The following PPFIBP1 variants were observed in gnomAD, a reference collection of about 807,000 sequenced individuals.
PPFIBP1 encodes the protein liprin-beta-1.
In PPFIBP1, 112 loss-of-function variants were observed where a neutral mutation model predicts 137.8. The observed-to-expected ratio is 0.81, with a 90% CI of 0.70 to 0.95. The LOEUF is 0.95. Among genes scored for constraint, PPFIBP1 ranks in the 40% least tolerant of loss-of-function variants. The pLI, the probability that PPFIBP1 is intolerant of heterozygous loss-of-function variation, is 0.00. For synonymous variants in PPFIBP1, 378 were observed against 417.3 expected (o/e 0.91, Z 1.15); for missense variants, 1,083 against 1,196.6 (o/e 0.91, Z 1.40).
intron 13 of PPFIBP1, among the ~76,000 whole-genome samples, chr12:27,668,960 C>T (rs1477625393): frequency 1.3e-5 from 2 of 152,156 alleles, no homozygotes; most frequent in South Asian, 2.1e-4. Flanking sequence ...TGATCTTTGC[C>T]CTGAAACCAT....
At chr12:27,583,869 G>T (rs919850914) in intron 2 of PPFIBP1, among the ~76,000 whole-genome samples, 1 of 152,202 alleles carries the variant, frequency 6.6e-6, no homozygotes, top group African/African-American at 2.4e-5. Flanking sequence ...TCCTCACTTT[G>T]TGGCCCCACT....
chr12:27,682,172 T>A (rs978010670), intron 22 of PPFIBP1, among the ~76,000 whole-genome samples: 10 of 152,210 alleles, frequency 6.6e-5, no homozygotes, highest in African/African-American at 2.2e-4. Flanking sequence ...AATGAGTCAC[T>A]AGGGAATGCC....
At chr12:27,665,180 T>G (rs1418011337) in intron 12 of PPFIBP1, among the ~76,000 whole-genome samples, 2 of 151,988 alleles carry the variant, frequency 1.3e-5, no homozygotes, top group African/African-American at 4.8e-5. Context: ...AGAGTGAGAC[T>G]CAGTCTCAAA....
chr12:27,604,422 G>T (rs2054300232), intron 2 of PPFIBP1, among the ~76,000 whole-genome samples: 1 of 152,140 alleles, frequency 6.6e-6, no homozygotes, highest in African/African-American at 2.4e-5. Context: ...GATGAGGGTT[G>T]GATGTCTCTT....
rs1418247098 is a variant in PPFIBP1, at chr12:27,658,839, A to G, written c.835A>G (p.Lys279Glu). 6.2e-7 allele frequency: 1 copy of G among 1,613,218 alleles called. No individual in the cohort carries two copies. Among genetic ancestry groups the G allele is most frequent in the Non-Finnish European group, 8.5e-7 (1 of 1,179,366 alleles). Residue 279 changes from lysine to glutamate, a missense_variant, in exon 10 of 30, where the codon AAA (lysine) becomes GAA (glutamate). Lys to Glu is a moderately conservative substitution (Grantham distance 56). Transcript: ENST00000228425. ...AGATGAAAATTTTAAAAAGAAGCTC[A>G]AAGAAAAAAGTAAGGTTTGGTGCAT... ...DRDENFKKKL[K>E]EKNIEVQKMK... is the part of the protein sequence containing the mutation.
chr12:27,579,180 A>C (rs2050841285), intron 2 of PPFIBP1, among the ~76,000 whole-genome samples: 1 of 152,254 alleles, frequency 6.6e-6, no homozygotes, highest in Non-Finnish European at 1.5e-5. Flanking sequence ...GTCCAGTTCC[A>C]GTCCTTTCAG....
chr12:27,565,706 G>A (rs984314278), intron 1 of PPFIBP1, among the ~76,000 whole-genome samples: 6 of 152,110 alleles, frequency 3.9e-5, no homozygotes, highest in African/African-American at 1.4e-4. Context: ...AACAGTGAAG[G>A]GGTCTACGTT....
intron 13 of PPFIBP1, among the ~76,000 whole-genome samples, chr12:27,670,284 A>G (rs1281604763): frequency 2.0e-5 from 3 of 152,230 alleles, no homozygotes; most frequent in Non-Finnish European, 4.4e-5. Flanking sequence ...TGTATTATGC[A>G]TTTTATATGT....
At chr12:27,644,716 A>G (rs2058354445) in intron 4 of PPFIBP1, among the ~76,000 whole-genome samples, 1 of 152,212 alleles carries the variant, frequency 6.6e-6, no homozygotes, top group Non-Finnish European at 1.5e-5. Context: ...TTCAGTTAAC[A>G]ATATGAGCAG....
At chr12:27,532,145 A>G (rs1426506478) in intron 1 of PPFIBP1, among the ~76,000 whole-genome samples, 1 of 152,248 alleles carries the variant, frequency 6.6e-6, no homozygotes, top group East Asian at 1.9e-4. Context: ...CGTGTTAAGC[A>G]ATTCCCAGCC....
At chr12:27,582,176 G>T (rs998979524) in intron 2 of PPFIBP1, among the ~76,000 whole-genome samples, 1 of 152,034 alleles carries the variant, frequency 6.6e-6, no homozygotes, top group African/African-American at 2.4e-5. Flanking sequence ...GACAGAGGAA[G>T]AGTTTGCACA....
chr12:27,640,528 A>C (rs186289582), intron 4 of PPFIBP1, among the ~76,000 whole-genome samples: 1 of 152,262 alleles, frequency 6.6e-6, no homozygotes, highest in African/African-American at 2.4e-5. Flanking sequence ...CCCCAAATTC[A>C]GGGGACTTAG....
chr12:27,670,302 ATAT>A (rs1280116516), intron 13 of PPFIBP1, among the ~76,000 whole-genome samples: 5 of 152,318 alleles, frequency 3.3e-5, no homozygotes, highest in African/African-American at 9.6e-5. Flanking sequence ...TGTTGCTGTA[ATAT>A]TATTATTATC....
intron 1 of PPFIBP1, among the ~76,000 whole-genome samples, chr12:27,546,347 G>A (rs1946241070): frequency 6.6e-6 from 1 of 152,180 alleles, no homozygotes; most frequent in Non-Finnish European, 1.5e-5. Context: ...AGGATCAAAT[G>A]AGATCACATG....
rs577359448 is a variant in PPFIBP1 at position 27,657,960 on chromosome 12, A to T, written c.812-856A>T. Among the ~76,000 whole-genome samples the T allele has an allele frequency of 6.6e-5, 10 of 152,046 alleles. No homozygotes were observed. In the East Asian group the frequency reaches 1.9e-3, roughly 29 times the overall value. Reference sequence around the variant, plus strand: ...CTGTCTCTACAAAAAATTTCTTTTTAAGATTTGAAATTTTTAAATTTCAAA... The same window carrying T: ...CTGTCTCTACAAAAAATTTCTTTTTTAGATTTGAAATTTTTAAATTTCAAA... On this transcript the variant is annotated intron_variant, in intron 9 of 29. Transcript: ENST00000228425.
chr12:27,687,350 G>A (rs766498664), intron 24 of PPFIBP1, 35 bp from the exon 25 acceptor site: 19 of 1,609,026 alleles, frequency 1.2e-5, no homozygotes, highest in South Asian at 2.2e-5. Context: ...CTACAGGCCA[G>A]CACAGTGAGC....
chr12:27,654,943 T>A, intron 8 of PPFIBP1, 129 bp downstream of exon 8: 6 of 1,406,810 alleles, frequency 4.3e-6, no homozygotes, highest in Non-Finnish European at 5.6e-6. Context: ...AAATGAAGAT[T>A]TCCCCCCAAG....
intron 1 of PPFIBP1, among the ~76,000 whole-genome samples, chr12:27,543,774 C>T (rs190344363): frequency 1.3e-3 from 195 of 152,052 alleles, no homozygotes; most frequent in African/African-American, 3.0e-3. Context: ...GAGTGCAGGA[C>T]GTTGTGAAAT....
At chr12:27,571,806 A>AT (rs1189326529) in intron 1 of PPFIBP1, among the ~76,000 whole-genome samples, 3 of 152,094 alleles carry the variant, frequency 2.0e-5, no homozygotes, top group Non-Finnish European at 4.4e-5. Context: ...TTGACTTCAT[A>AT]TTTTTTGAGT....
Sources: gnomAD v4.1 joint callset for allele counts (sites outside exome capture counted in the v4.1 genomes callset) on GRCh38, gnomAD v4.1.1 for gene constraint, MANE v1.5 for transcripts, NCBI Gene and HGNC (gene_info 2026-07-23, HGNC 2026-07-21) for gene names.